Variants in CHIC2 observed in about 807,000 individuals in gnomAD.
CHIC2 encodes cysteine-rich hydrophobic domain-containing protein 2.
In CHIC2, 14 loss-of-function variants were observed where a neutral mutation model predicts 25.9. The ratio of observed to expected loss-of-function variants is 0.54; its 90% CI spans 0.36 to 0.85. The LOEUF (loss-of-function observed/expected upper bound fraction) is 0.85, where lower values mean the gene tolerates loss of function less well. Among genes scored for constraint, CHIC2 ranks in the 40% least tolerant of loss-of-function variants. The probability of loss-of-function intolerance (pLI) is 0.01; values close to 1 mark genes in which losing one functional copy is unlikely to be tolerated. For missense variants in CHIC2, 146 were observed against 202.0 expected, an observed-to-expected ratio of 0.72 and a Z score of 1.68; for synonymous variants, 70 against 72.0, an observed-to-expected ratio of 0.97 and a Z score of 0.14.
At chr4:54,042,788 A>C (rs959732097) in intron 3 of CHIC2, among the ~76,000 whole-genome samples, 2 of 152,240 alleles carry the variant, frequency 1.3e-5, no homozygotes, top group African/African-American at 4.8e-5. Context: ...TTTAGAAAAA[A>C]GGAATATTAG....
the CHIC2 span, among the ~76,000 whole-genome samples, chr4:54,080,620 G>A: frequency 1.7e-3 from 251 of 151,910 alleles, 1 homozygote; most frequent in African/African-American, 5.9e-3. Flanking sequence ...CAAAAAATTA[G>A]CTGGGCGTGG....
Position 54,064,427 on chromosome 4 carries a change from G to A in CHIC2, c.-127C>T. ...CGCCGGCTCCGAGGCCGCGGAGTTC[G>A]CTGTCGGCTGTCTCGGCTCCGGCTA... is the stretch of plus-strand genomic sequence containing the variant. On this transcript the variant is annotated 5_prime_UTR_variant, in exon 1 of 6. Transcript: ENST00000263921. The surrounding 1 kb of genome is among the most constrained non-coding windows in gnomAD (Gnocchi z 4.2). 2 of 1,517,682 alleles carry A rather than the reference G, an allele frequency of 1.3e-6. No homozygotes were observed. The highest frequency in any genetic ancestry group is 1.8e-6 in the Non-Finnish European group (2 of 1,136,492). The allele number at this position is 1,517,682 out of a possible 1,614,324, so 94.0% of individuals were successfully genotyped here.
upstream of CHIC2, among the ~76,000 whole-genome samples, chr4:54,067,866 T>A (rs1012198832): frequency 6.6e-6 from 1 of 151,986 alleles, no homozygotes; most frequent in Non-Finnish European, 1.5e-5. Flanking sequence ...AACTATGTCA[T>A]GGGGTTCTGG....
At chr4:54,081,081 A>G in the CHIC2 span, among the ~76,000 whole-genome samples, 2 of 150,598 alleles carry the variant, frequency 1.3e-5, no homozygotes, top group African/African-American at 4.9e-5. Flanking sequence ...AAAGCTGGGG[A>G]AAAAAAAGAC....
At chr4:54,050,912 A>G (rs760987804) in intron 1 of CHIC2, among the ~76,000 whole-genome samples, 1 of 151,824 alleles carries the variant, frequency 6.6e-6, no homozygotes, top group Non-Finnish European at 1.5e-5. Flanking sequence ...CCCTGTTGAA[A>G]TGCCACTCTT....
At chr4:54,022,125 G>A (rs925805788) in intron 3 of CHIC2, among the ~76,000 whole-genome samples, 3 of 152,190 alleles carry the variant, frequency 2.0e-5, no homozygotes, top group East Asian at 1.9e-4. Flanking sequence ...CCTGCAGCCC[G>A]GGATTCCTCC....
intron 4 of CHIC2, 69 bp from the exon 5 acceptor site, chr4:54,013,965 T>A: frequency 6.3e-7 from 1 of 1,594,538 alleles, no homozygotes; most frequent in Non-Finnish European, 8.6e-7. Context: ...ACTAACCCAT[T>A]TGTCCACCTT....
At chr4:54,025,833 C>T (rs940875618) in intron 3 of CHIC2, among the ~76,000 whole-genome samples, 7 of 128,050 alleles carry the variant, frequency 5.5e-5, no homozygotes, top group Non-Finnish European at 9.8e-5. Flanking sequence ...CCACCCTGGG[C>T]AACAGAGTAA....
intron 3 of CHIC2, among the ~76,000 whole-genome samples, chr4:54,026,852 T>C (rs1246667796): frequency 6.6e-6 from 1 of 152,240 alleles, no homozygotes; most frequent in Non-Finnish European, 1.5e-5. Context: ...AAAATCTTAA[T>C]GGTTTCATTT....
At chr4:54,062,633 G>A (rs951718996) in intron 1 of CHIC2, among the ~76,000 whole-genome samples, 2 of 152,054 alleles carry the variant, frequency 1.3e-5, no homozygotes, top group African/African-American at 4.8e-5. Flanking sequence ...CCTTAACAGA[G>A]GAAACATTAC....
chr4:54,075,524 G>A, the CHIC2 span, among the ~76,000 whole-genome samples: 1 of 151,978 alleles, frequency 6.6e-6, no homozygotes, highest in East Asian at 1.9e-4. Flanking sequence ...GAAAAATCAG[G>A]CAAAGAAAAA....
the CHIC2 span, among the ~76,000 whole-genome samples, chr4:54,073,004 C>T: frequency 6.6e-6 from 1 of 152,098 alleles, no homozygotes; most frequent in Admixed American, 6.5e-5. Context: ...GGAGGCCGAG[C>T]TTGCAGTGAG....
At chr4:54,083,661 T>C in the CHIC2 span, among the ~76,000 whole-genome samples, 1 of 152,184 alleles carries the variant, frequency 6.6e-6, no homozygotes, top group South Asian at 2.1e-4. Context: ...GAATTTATTC[T>C]CTCCTCTCCA....
intron 1 of CHIC2, among the ~76,000 whole-genome samples, chr4:54,062,570 T>G (rs1354715943): frequency 6.6e-6 from 1 of 152,308 alleles, no homozygotes; most frequent in South Asian, 2.1e-4. Flanking sequence ...TCTGAGCACT[T>G]TGCCCACTAT....
At chr4:54,074,951 A>G in the CHIC2 span, among the ~76,000 whole-genome samples, 2 of 152,220 alleles carry the variant, frequency 1.3e-5, no homozygotes, top group African/African-American at 4.8e-5. Context: ...CTACAAAAAT[A>G]CATTTTTAAA....
chr4:54,089,887 A>G, the CHIC2 span, among the ~76,000 whole-genome samples: 1 of 152,222 alleles, frequency 6.6e-6, no homozygotes, highest in African/African-American at 2.4e-5. Context: ...TTGAGCACCA[A>G]CATGACATCA....
intron 3 of CHIC2, among the ~76,000 whole-genome samples, chr4:54,045,446 C>T (rs1716752437): frequency 6.6e-6 from 1 of 152,180 alleles, no homozygotes; most frequent in Non-Finnish European, 1.5e-5. Flanking sequence ...AAAAGCTTAT[C>T]CACCATGATC....
At chr4:54,028,653 C>T (rs1468976349) in intron 3 of CHIC2, among the ~76,000 whole-genome samples, 8 of 152,144 alleles carry the variant, frequency 5.3e-5, no homozygotes, top group African/African-American at 1.7e-4. Flanking sequence ...AGCCGGTATA[C>T]AATAATTATC....
At chr4:54,034,665 A>C in intron 3 of CHIC2, among the ~76,000 whole-genome samples, 1 of 152,112 alleles carries the variant, frequency 6.6e-6, no homozygotes, top group South Asian at 2.1e-4. Flanking sequence ...TAAAGATTCT[A>C]TTGAATTTTC....
Sources: gnomAD v4.1 joint callset for allele counts (sites outside exome capture counted in the v4.1 genomes callset) on GRCh38, gnomAD v4.1.1 for gene constraint, Gnocchi (gnomAD v3.1) non-coding constraint, MANE v1.5 for transcripts, NCBI Gene and HGNC (gene_info 2026-07-23, HGNC 2026-07-21) for gene names.